ATAD1: variants seen among roughly 807,000 people sequenced by gnomAD.
ATAD1 encodes the protein ATPase family AAA domain containing 1, also known as outer mitochondrial transmembrane helix translocase.
A neutral mutation model predicts 42.7 loss-of-function variants in ATAD1; 18 were observed. The observed-to-expected ratio is 0.42, with a 90% CI of 0.29 to 0.63. ATAD1 has a LOEUF of 0.63. Among genes scored for constraint, ATAD1 ranks in the 20% least tolerant of loss-of-function variants. The pLI is 0.19. For synonymous variants in ATAD1, 132 were observed against 143.1 expected (o/e 0.92, Z 0.55); for missense variants, 294 against 440.4 (o/e 0.67, Z 2.98).
intron 2 of ATAD1, among the ~76,000 whole-genome samples, chr10:87,810,013 T>C (rs2132042906): frequency 6.6e-6 from 1 of 152,276 alleles, no homozygotes; most frequent in Non-Finnish European, 1.5e-5. Context: ...TGGTAACTTT[T>C]TTCTTGTCGG....
chr10:87,819,275 A>AC (rs1234922702), upstream of ATAD1: 8 of 149,692 alleles, frequency 5.3e-5, no homozygotes, highest in African/African-American at 2.0e-4. Flanking sequence ...AAAAAAAAAA[A>AC]AAAAAAAAAA....
chr10:87,806,010 A>C (rs189756357), intron 2 of ATAD1, among the ~76,000 whole-genome samples: 228 of 152,244 alleles, frequency 1.5e-3, no homozygotes, highest in Non-Finnish European at 2.4e-3. Flanking sequence ...ACTTTATGCA[A>C]GTGATTCCCC....
upstream of ATAD1, chr10:87,818,377 C>G (rs896643286): frequency 4.1e-6 from 2 of 481,946 alleles, no homozygotes; most frequent in Non-Finnish European, 5.4e-6. Context: ...TCTGCTTAAG[C>G]TACCTGCTAG....
intron 2 of ATAD1, among the ~76,000 whole-genome samples, chr10:87,807,532 G>C (rs895227068): frequency 6.6e-6 from 1 of 152,084 alleles, no homozygotes; most frequent in Non-Finnish European, 1.5e-5. Context: ...GCATTTCCTT[G>C]ATTTCTAATC....
upstream of ATAD1, among the ~76,000 whole-genome samples, chr10:87,822,570 G>A (rs1484704659): frequency 1.3e-5 from 2 of 152,142 alleles, no homozygotes; most frequent in Non-Finnish European, 2.9e-5. Context: ...ATTTGTGGGA[G>A]CTAAAAATTA....
intron 5 of ATAD1, among the ~76,000 whole-genome samples, chr10:87,784,257 C>G (rs1296681314): frequency 1.3e-5 from 2 of 152,076 alleles, no homozygotes; most frequent in Non-Finnish European, 2.9e-5. Flanking sequence ...CTGTTTGTAA[C>G]AGAGAAAAGA....
intron 6 of ATAD1, among the ~76,000 whole-genome samples, chr10:87,771,684 CT>C (rs1855038622): frequency 6.6e-6 from 1 of 151,300 alleles, no homozygotes. Context: ...GGGAAGAACT[CT>C]TTTTAAAAAT....
At chr10:87,763,217 G>T (rs1854580825) in intron 8 of ATAD1, among the ~76,000 whole-genome samples, 1 of 151,418 alleles carries the variant, frequency 6.6e-6, no homozygotes, top group African/African-American at 2.4e-5. Flanking sequence ...TACATACGTA[G>T]CTTTCTTAGA....
intron 5 of ATAD1, among the ~76,000 whole-genome samples, chr10:87,778,886 A>T (rs1435553609): frequency 1.3e-5 from 2 of 152,230 alleles, no homozygotes; most frequent in Non-Finnish European, 2.9e-5. Context: ...ATGGATCACA[A>T]ATATACATGT....
intron 1 of ATAD1, among the ~76,000 whole-genome samples, chr10:87,831,287 G>A (rs1001395869): frequency 6.8e-6 from 1 of 147,364 alleles, no homozygotes; most frequent in Non-Finnish European, 1.5e-5. Flanking sequence ...AACTGCTTCA[G>A]TTGTCATCCC....
chr10:87,822,081 C>A (rs1857642066), upstream of ATAD1, among the ~76,000 whole-genome samples: 1 of 152,178 alleles, frequency 6.6e-6, no homozygotes, highest in African/African-American at 2.4e-5. Context: ...AATCTGAAAT[C>A]TTTGAATAAG....
chr10:87,814,623 C>T lies in ATAD1; in HGVS notation c.-13-11G>A, dbSNP rs1379794674. Reference sequence around the variant, plus strand: ...ATCTTGAATGTTAACCTTAAAAAAACAAACAGAAATGTCACTAGGTAATAA... The same window carrying T: ...ATCTTGAATGTTAACCTTAAAAAAATAAACAGAAATGTCACTAGGTAATAA... On this transcript the variant is annotated splice_polypyrimidine_tract_variant and intron_variant, in intron 1 of 9. Coordinates refer to ENST00000680024, the MANE Select transcript of ATAD1 (RefSeq NM_001321967.2). The T allele has an allele frequency of 1.9e-6, 3 of 1,568,586 alleles. No homozygotes were observed. In the East Asian group the frequency reaches 7.0e-5, roughly 37 times the overall value.
chr10:87,762,457 C>T (rs1199473244), intron 8 of ATAD1, among the ~76,000 whole-genome samples: 2 of 151,766 alleles, frequency 1.3e-5, no homozygotes, highest in African/African-American at 4.8e-5. Context: ...CTAAACAATA[C>T]TACAACTACA....
At chr10:87,795,404 T>C (rs555481052) in intron 2 of ATAD1, among the ~76,000 whole-genome samples, 1 of 151,916 alleles carries the variant, frequency 6.6e-6, no homozygotes, top group South Asian at 2.1e-4. Flanking sequence ...CTTATGTTTA[T>C]GCATACTTTC....
rs1467531725 is a variant in ATAD1, at chr10:87,814,657, A to G, written c.-13-45T>C. 2.9e-6 allele frequency: 4 copies of G among 1,361,352 alleles called. No individual in the cohort carries two copies. The East Asian group carries it at 1.1e-4, about 38-fold the overall frequency. The allele number at this position is 1,361,352 out of a possible 1,614,324, so 84.3% of individuals were successfully genotyped here. On this transcript the variant is annotated intron_variant, in intron 1 of 9. Coordinates refer to ENST00000680024, the MANE Select transcript of ATAD1 (RefSeq NM_001321967.2). Reference sequence around the variant, plus strand: ...ATGTCACTAGGTAATAACTATACTTATTAAAATTGTAAGACTAACAAAGTA... The same window carrying G: ...ATGTCACTAGGTAATAACTATACTTGTTAAAATTGTAAGACTAACAAAGTA...
intron 2 of ATAD1, among the ~76,000 whole-genome samples, chr10:87,810,010 T>A (rs7905469): frequency 0.013 from 1,941 of 152,194 alleles, 34 homozygotes; most frequent in Middle Eastern, 0.078. Context: ...TATTGGTAAC[T>A]TTTTTCTTGT....
upstream of ATAD1, among the ~76,000 whole-genome samples, chr10:87,822,915 C>T (rs1300947366): frequency 1.3e-5 from 2 of 150,844 alleles, no homozygotes; most frequent in Admixed American, 6.6e-5. Flanking sequence ...TAGATACACA[C>T]ACCTACTATG....
intron 1 of ATAD1, among the ~76,000 whole-genome samples, chr10:87,833,430 T>C (rs539628534): frequency 1.3e-5 from 2 of 152,302 alleles, no homozygotes; most frequent in African/African-American, 4.8e-5. Context: ...GAGACATTTT[T>C]ATTTCTTCTT....
intron 1 of ATAD1, 95 bp from the exon 2 acceptor site, chr10:87,814,707 AC>A (rs1857337183): frequency 1.1e-6 from 1 of 942,738 alleles, no homozygotes; most frequent in African/African-American, 1.7e-5. Context: ...AGAAAAACTA[AC>A]TTCTAGTCAA....
Sources: gnomAD v4.1 joint callset for allele counts (sites outside exome capture counted in the v4.1 genomes callset) on GRCh38, gnomAD v4.1.1 for gene constraint, MANE v1.5 for transcripts, NCBI Gene and HGNC (gene_info 2026-07-23, HGNC 2026-07-21) for gene names.